Variants in ZNF532 observed in about 807,000 individuals in gnomAD.
The protein encoded by ZNF532 is zinc finger protein 532.
Under a neutral mutation model 89.3 loss-of-function variants are expected in ZNF532, and 22 were observed. The ratio of observed to expected loss-of-function variants is 0.25; its 90% CI spans 0.18 to 0.35. ZNF532 has a LOEUF of 0.35. Among genes scored for constraint, ZNF532 ranks in the 10% least tolerant of loss-of-function variants. The pLI is 1.00. For missense variants in ZNF532, 1,132 were observed against 1,643.4 expected (o/e 0.69, Z 5.38); for synonymous variants, 606 against 649.6 (o/e 0.93, Z 1.02).
intron 4 of ZNF532, among the ~76,000 whole-genome samples, chr18:58,938,256 C>T (rs1014386806): frequency 1.3e-5 from 2 of 152,136 alleles, no homozygotes; most frequent in African/African-American, 4.8e-5. Context: ...AGGTAAATTT[C>T]TGGAGACTTT....
At position 58,981,454 on chromosome 18, in the gene ZNF532, G is replaced by C. The variant is rs754157797; in HGVS notation, c.3264-16G>C. The C allele has an allele frequency of 7.3e-5, 117 of 1,608,182 alleles. No homozygotes were observed. Among genetic ancestry groups the C allele is most frequent in the Non-Finnish European group, 9.6e-5 (113 of 1,178,744 alleles). On this transcript the variant is annotated splice_polypyrimidine_tract_variant and intron_variant, in intron 8 of 9. Coordinates refer to ENST00000591808, the MANE Select transcript of ZNF532 (RefSeq NM_001375912.1). ...TTGTCAGCAAGTGCGTTATCTCCTTGCCTTTCACCCCACAGGCACTGCCCA... is the reference window on the plus strand; with the variant it reads ...TTGTCAGCAAGTGCGTTATCTCCTTCCCTTTCACCCCACAGGCACTGCCCA...
chr18:58,871,669 G>T (rs1255785912), intron 2 of ZNF532, among the ~76,000 whole-genome samples: 1 of 152,186 alleles, frequency 6.6e-6, no homozygotes, highest in African/African-American at 2.4e-5. Context: ...CACGTTGGAG[G>T]TGATAGCTGA....
chr18:58,881,524 G>T (rs2057926608), intron 2 of ZNF532, among the ~76,000 whole-genome samples: 1 of 152,202 alleles, frequency 6.6e-6, no homozygotes, highest in Admixed American at 6.5e-5. Context: ...TGTGGTTGTT[G>T]TAAGTTTTGA....
At chr18:58,885,891 T>C (rs573428983) in intron 2 of ZNF532, among the ~76,000 whole-genome samples, 1 of 152,168 alleles carries the variant, frequency 6.6e-6, no homozygotes, top group Admixed American at 6.5e-5. Context: ...GCTCAAAATT[T>C]CCCTCACCCC....
chr18:58,928,009 A>C (rs2061662636), intron 3 of ZNF532, among the ~76,000 whole-genome samples: 1 of 152,208 alleles, frequency 6.6e-6, no homozygotes, highest in Non-Finnish European at 1.5e-5. Flanking sequence ...TTAAGACCTT[A>C]AGAACGTACT....
At chr18:58,924,088 C>G (rs539918250) in intron 3 of ZNF532, among the ~76,000 whole-genome samples, 3 of 152,184 alleles carry the variant, frequency 2.0e-5, no homozygotes, top group African/African-American at 7.2e-5. Context: ...AACTCCTAAC[C>G]TCAAGTGATC....
intron 2 of ZNF532, among the ~76,000 whole-genome samples, chr18:58,897,080 A>G (rs1199856817): frequency 6.6e-6 from 1 of 151,846 alleles, no homozygotes; most frequent in East Asian, 1.9e-4. Flanking sequence ...AACAGACTCA[A>G]AATACTCTTA....
chr18:58,934,556 C>T lies in ZNF532; in HGVS notation c.2470C>T (p.His824Tyr). 2 of 1,614,188 alleles carry T rather than the reference C, an allele frequency of 1.2e-6. No homozygotes were observed. The highest frequency in any genetic ancestry group is 8.5e-7 in the Non-Finnish European group (1 of 1,180,022). The change falls in exon 4 of 10, where the codon CAC (histidine) becomes TAC (tyrosine). Residue 824 changes from histidine to tyrosine, a missense_variant. His to Tyr is a moderately conservative substitution (Grantham distance 83). Coordinates refer to ENST00000591808, the MANE Select transcript of ZNF532 (RefSeq NM_001375912.1). ...PECGAICRSV[H>Y]FQTHVTKNCL... ...GTGTGGGGCCATCTGCAGGTCGGTG[C>T]ACTTCCAGACCCACGTCACCAAGAA... is the stretch of plus-strand genomic sequence containing the variant.
At chr18:58,913,240 G>A (rs2060391138) in intron 2 of ZNF532, among the ~76,000 whole-genome samples, 1 of 152,152 alleles carries the variant, frequency 6.6e-6, no homozygotes, top group African/African-American at 2.4e-5. Context: ...AATGATAATG[G>A]GAAGAGCAAG....
In ZNF532 at chr18:58,953,580, G is replaced by C; in HGVS notation, c.2931G>C (p.Leu977Phe). 6.2e-7 allele frequency: 1 copy of C among 1,613,662 alleles called. No individual in the cohort carries two copies. Among genetic ancestry groups the C allele is most frequent in the Non-Finnish European group, 8.5e-7 (1 of 1,179,732 alleles). The change falls in exon 7 of 10, where the codon TTG becomes TTC. Residue 977 changes from leucine to phenylalanine, a missense_variant. Coordinates refer to ENST00000591808, the MANE Select transcript of ZNF532 (RefSeq NM_001375912.1). ...CAAACTTGGGTATAAACTTGCCTTT[G>C]AGCATTAAGCCTGCAACTCAAAATT... ...GPPNLGINLP[L>F]SIKPATQNSA...
upstream of ZNF532, chr18:58,864,052 G>C (rs917835135): frequency 6.6e-6 from 1 of 152,154 alleles, no homozygotes; most frequent in Non-Finnish European, 1.5e-5. Context: ...GGCCACGTGA[G>C]CGCGGCTCTC....
rs770904672 is a variant in ZNF532, at chr18:58,984,085, G to A, written c.3525G>A (p.Lys1175=). Residue 1175 remains lysine (K), a synonymous_variant, in exon 10 of 10, where the codon AAG becomes AAA. Coordinates refer to ENST00000591808, the MANE Select transcript of ZNF532 (RefSeq NM_001375912.1). ...KLKINVFKVH[K]CAVCGFTTEN... is the part of the protein sequence containing the mutation. ...AAATCAATGTTTTTAAGGTTCACAAGTGTGCCGTGTGTGGCTTCACCACCG... is the reference window on the plus strand; with the variant it reads ...AAATCAATGTTTTTAAGGTTCACAAATGTGCCGTGTGTGGCTTCACCACCG... 19 of 1,611,922 alleles carry A rather than the reference G, an allele frequency of 1.2e-5. No homozygotes were observed. In the East Asian group the frequency reaches 3.8e-4, roughly 32 times the overall value.
intron 2 of ZNF532, among the ~76,000 whole-genome samples, chr18:58,911,025 T>C (rs1324874074): frequency 2.6e-5 from 4 of 152,180 alleles, no homozygotes; most frequent in Non-Finnish European, 4.4e-5. Context: ...ATCACAGTCA[T>C]GAGCTACCAC....
chr18:58,925,114 T>A (rs1016975364), intron 3 of ZNF532, among the ~76,000 whole-genome samples: 1 of 152,214 alleles, frequency 6.6e-6, no homozygotes, highest in African/African-American at 2.4e-5. Flanking sequence ...TAAGTTTTTA[T>A]TTCTCTGGGA....
At chr18:58,954,098 C>A in intron 7 of ZNF532, 1 of 1,081,386 alleles carries the variant, frequency 9.2e-7, no homozygotes, top group Non-Finnish European at 1.1e-6. Flanking sequence ...AATAGTAAAC[C>A]AAGGTTAAAG....
chr18:58,968,165 G>A (rs1287733826), intron 7 of ZNF532, among the ~76,000 whole-genome samples: 2 of 152,174 alleles, frequency 1.3e-5, no homozygotes, highest in Admixed American at 1.3e-4. Context: ...GGCTTTTCCT[G>A]TTTATCTCTA....
chr18:58,905,227 A>G (rs543424847), intron 2 of ZNF532, among the ~76,000 whole-genome samples: 2 of 152,280 alleles, frequency 1.3e-5, no homozygotes, highest in African/African-American at 4.8e-5. Context: ...TTTACTGGTG[A>G]GAGGAGAAAA....
rs1429573485 is a variant in ZNF532, at chr18:58,920,237, A to C, written c.1950A>C (p.Thr650=). Residue 650 remains threonine, a synonymous_variant, in exon 3 of 10, where the codon ACA becomes ACC. Coordinates refer to ENST00000591808, the MANE Select transcript of ZNF532 (RefSeq NM_001375912.1). ...TCGAAGTAACGTGCAACCATTGTACAAAGAACCTCGTTTTTTACAACAAAT... is the reference window on the plus strand; with the variant it reads ...TCGAAGTAACGTGCAACCATTGTACCAAGAACCTCGTTTTTTACAACAAAT... ...VRIEVTCNHC[T]KNLVFYNKCS... is the part of the protein sequence containing the mutation. The C allele has an allele frequency of 7.4e-6, 12 of 1,613,858 alleles. No individual in the cohort carries two copies. Among genetic ancestry groups the C allele is most frequent in the Non-Finnish European group, 1.0e-5 (12 of 1,179,848 alleles).
At chr18:58,971,105 C>G (rs752106039) in intron 7 of ZNF532, among the ~76,000 whole-genome samples, 3 of 152,208 alleles carry the variant, frequency 2.0e-5, no homozygotes, top group Non-Finnish European at 4.4e-5. Context: ...GCAGACCAGA[C>G]AGTCTTATAA....
Sources: gnomAD v4.1 joint callset for allele counts (sites outside exome capture counted in the v4.1 genomes callset) on GRCh38, gnomAD v4.1.1 for gene constraint, MANE v1.5 for transcripts, NCBI Gene and HGNC (gene_info 2026-07-23, HGNC 2026-07-21) for gene names.